The following NUBPL variants were observed in gnomAD, a reference collection of about 807,000 sequenced individuals.
NUBPL encodes the protein NUBP iron-sulfur cluster assembly factor, mitochondrial.
In NUBPL, 31 loss-of-function variants were observed where a neutral mutation model predicts 45.7. That is an observed-to-expected ratio of 0.68 (90% CI 0.51 to 0.92). The LOEUF (loss-of-function observed/expected upper bound fraction) is 0.92, where lower values mean the gene tolerates loss of function less well. Ranked by LOEUF, NUBPL falls within the 40% of genes least tolerant of loss-of-function variation. NUBPL has a pLI of 0.00. For missense variants in NUBPL, 401 were observed against 398.7 expected, an observed-to-expected ratio of 1.01 and a Z score of -0.05; for synonymous variants, 144 against 140.9, an observed-to-expected ratio of 1.02 and a Z score of -0.15.
intron 6 of NUBPL, among the ~76,000 whole-genome samples, chr14:31,758,387 G>A (rs1349559132): frequency 6.6e-6 from 1 of 152,118 alleles, no homozygotes; most frequent in Admixed American, 6.5e-5. Context: ...CATTATTAAT[G>A]TTTTCAAAGG....
At chr14:31,709,790 C>T (rs1327309571) in intron 6 of NUBPL, among the ~76,000 whole-genome samples, 4 of 152,134 alleles carry the variant, frequency 2.6e-5, no homozygotes, top group Non-Finnish European at 4.4e-5. Flanking sequence ...TAACCGATAG[C>T]CCAGGGGTTT....
intron 6 of NUBPL, among the ~76,000 whole-genome samples, chr14:31,728,960 T>C (rs144776819): frequency 8.6e-4 from 131 of 152,274 alleles, no homozygotes; most frequent in Non-Finnish European, 1.5e-3. Context: ...GCACCTGAAA[T>C]TGAAAGAGTT....
At chr14:31,568,594 G>T (rs2033499961) in intron 3 of NUBPL, among the ~76,000 whole-genome samples, 1 of 152,178 alleles carries the variant, frequency 6.6e-6, no homozygotes, top group Non-Finnish European at 1.5e-5. Flanking sequence ...TCACACTCAG[G>T]AATGCTACGT....
chr14:31,805,940 C>A (rs1044510576), intron 7 of NUBPL, among the ~76,000 whole-genome samples: 4 of 152,142 alleles, frequency 2.6e-5, no homozygotes, highest in Admixed American at 6.5e-5. Flanking sequence ...GCATTTCCTT[C>A]ATGATATGCC....
At chr14:31,736,461 C>A (rs1314802327) in intron 6 of NUBPL, among the ~76,000 whole-genome samples, 3 of 152,154 alleles carry the variant, frequency 2.0e-5, no homozygotes, top group African/African-American at 7.2e-5. Flanking sequence ...CCTTGAACTT[C>A]ATGTAGATAA....
At chr14:31,846,828 C>T (rs928616648) in intron 9 of NUBPL, among the ~76,000 whole-genome samples, 13 of 151,948 alleles carry the variant, frequency 8.6e-5, no homozygotes, top group South Asian at 2.1e-4. Context: ...TGGTGGCGGG[C>T]GCCTGCAGTC....
intron 4 of NUBPL, among the ~76,000 whole-genome samples, 190 bp from the exon 5 acceptor site, chr14:31,673,165 T>A (rs2036612840): frequency 6.6e-6 from 1 of 152,202 alleles, no homozygotes; most frequent in Non-Finnish European, 1.5e-5. Flanking sequence ...TAGCATGGTT[T>A]ATTATTTATT....
chr14:31,744,939 A>T (rs1480737061), intron 6 of NUBPL, among the ~76,000 whole-genome samples: 12 of 137,894 alleles, frequency 8.7e-5, no homozygotes. Context: ...TAGAATCTTT[A>T]AAAAAAATCT....
At chr14:31,564,446 T>G (rs897972768) in intron 2 of NUBPL, among the ~76,000 whole-genome samples, 1 of 150,676 alleles carries the variant, frequency 6.6e-6, no homozygotes, top group African/African-American at 2.5e-5. Context: ...TGCCAGCACT[T>G]TGGGAGGCTG....
intron 3 of NUBPL, among the ~76,000 whole-genome samples, chr14:31,570,944 T>G (rs1475856668): frequency 6.6e-6 from 1 of 152,190 alleles, no homozygotes; most frequent in Admixed American, 6.5e-5. Flanking sequence ...AATCACATAC[T>G]CCCTTGCTCA....
chr14:31,740,355 T>A (rs2038256823), intron 6 of NUBPL, among the ~76,000 whole-genome samples: 1 of 152,212 alleles, frequency 6.6e-6, no homozygotes, highest in Admixed American at 6.5e-5. Flanking sequence ...CTGATAGATA[T>A]GTAGTGGTAT....
intron 6 of NUBPL, among the ~76,000 whole-genome samples, chr14:31,691,149 G>A (rs1483609517): frequency 2.0e-5 from 3 of 152,128 alleles, no homozygotes; most frequent in Non-Finnish European, 4.4e-5. Context: ...AAAGAAGTTT[G>A]TCACTGCCAC....
chr14:31,780,038 C>T (rs1379757098), intron 6 of NUBPL, among the ~76,000 whole-genome samples: 1 of 151,906 alleles, frequency 6.6e-6, no homozygotes, highest in Non-Finnish European at 1.5e-5. Flanking sequence ...TTTCCCATTG[C>T]ATCTTGCTTA....
intron 7 of NUBPL, among the ~76,000 whole-genome samples, chr14:31,818,863 C>T (rs1253575718): frequency 6.6e-6 from 1 of 152,066 alleles, no homozygotes; most frequent in Non-Finnish European, 1.5e-5. Flanking sequence ...ATATAATTTT[C>T]TGTAGGAAGA....
At chr14:31,851,011 A>C (rs57864393) in intron 10 of NUBPL, among the ~76,000 whole-genome samples, 39,636 of 151,876 alleles carry the variant, frequency 0.26, 7,797 homozygotes, top group African/African-American at 0.56. Flanking sequence ...TAGCCAACAT[A>C]GTTGGAGATA....
At chr14:31,653,943 C>A in intron 4 of NUBPL, 1 of 298,348 alleles carries the variant, frequency 3.4e-6, no homozygotes, top group Admixed American at 3.4e-5. Flanking sequence ...TCCCTGACTT[C>A]CCACAACAAT....
At chr14:31,804,655 A>C (rs1253182519) in intron 7 of NUBPL, among the ~76,000 whole-genome samples, 1 of 152,190 alleles carries the variant, frequency 6.6e-6, no homozygotes, top group Non-Finnish European at 1.5e-5. Context: ...TTTGATCTTC[A>C]ATAAGGCTGA....
chr14:31,617,717 G>C (rs899117768), intron 4 of NUBPL, among the ~76,000 whole-genome samples: 2 of 152,160 alleles, frequency 1.3e-5, no homozygotes, highest in South Asian at 4.2e-4. Flanking sequence ...TGTTCATCGG[G>C]GATATAGGCT....
At chr14:31,576,202 C>G (rs10146169) in intron 3 of NUBPL, among the ~76,000 whole-genome samples, 5,743 of 152,262 alleles carry the variant, frequency 0.038, 152 homozygotes, top group African/African-American at 0.081. Flanking sequence ...GGCCTGTCAT[C>G]TCTTAGGTGC....
Sources: gnomAD v4.1 joint callset for allele counts (sites outside exome capture counted in the v4.1 genomes callset) on GRCh38, gnomAD v4.1.1 for gene constraint, MANE v1.5 for transcripts, NCBI Gene and HGNC (gene_info 2026-07-23, HGNC 2026-07-21) for gene names.